Variants in FGF5 observed in about 807,000 individuals in gnomAD.
FGF5 encodes fibroblast growth factor 5.
In FGF5, 23 loss-of-function variants were observed where a neutral mutation model predicts 21.8. The ratio of observed to expected loss-of-function variants is 1.05; its 90% CI spans 0.76 to 1.49. FGF5 has a LOEUF of 1.49. FGF5 is among the 40% of genes most tolerant of loss of function. FGF5 has a pLI of 0.00. For synonymous variants in FGF5, 158 were observed against 124.0 expected (o/e 1.27, Z -1.82); for missense variants, 352 against 332.9 (o/e 1.06, Z -0.45).
At chr4:80,284,674 T>C (rs1720659391) in intron 2 of FGF5, among the ~76,000 whole-genome samples, 1 of 152,196 alleles carries the variant, frequency 6.6e-6, no homozygotes, top group African/African-American at 2.4e-5. Flanking sequence ...TGCTCTGATA[T>C]TGGTTGGCTT....
At chr4:80,276,557 C>A (rs558349114) in intron 2 of FGF5, among the ~76,000 whole-genome samples, 130 of 151,572 alleles carry the variant, frequency 8.6e-4, no homozygotes, top group African/African-American at 2.9e-3. Context: ...TGAAAAAGTT[C>A]TTTAGTGGTG....
chr4:80,278,282 A>T (rs182085148), intron 2 of FGF5, among the ~76,000 whole-genome samples: 2 of 152,188 alleles, frequency 1.3e-5, no homozygotes, highest in African/African-American at 4.8e-5. Context: ...GCAAATAAAC[A>T]GGCAATTTAA....
In FGF5 at chr4:80,289,835, T is replaced by G. The variant is rs1720845069; in HGVS notation, c.*3163T>G. The G allele has an allele frequency of 6.6e-6, 1 of 152,156 alleles. No individual in the cohort carries two copies. The allele number at this position is 152,156 out of a possible 1,614,324, so 9.4% of individuals were successfully genotyped here. A position where few individuals can be genotyped will look rare whatever the true frequency, so the allele number is the denominator to read the frequency against. On this transcript the variant is annotated 3_prime_UTR_variant, in exon 3 of 3. Coordinates refer to ENST00000312465, the MANE Select transcript of FGF5 (RefSeq NM_004464.4). ...ATAAGGGATACTGACAGAAGTTATTTCCAAGTTTGTGTATATATTATAAAA... is the reference window on the plus strand; with the variant it reads ...ATAAGGGATACTGACAGAAGTTATTGCCAAGTTTGTGTATATATTATAAAA...
At chr4:80,278,669 A>C (rs1221090065) in intron 2 of FGF5, among the ~76,000 whole-genome samples, 1 of 152,184 alleles carries the variant, frequency 6.6e-6, no homozygotes, top group Non-Finnish European at 1.5e-5. Context: ...TGCTAAATTT[A>C]TTAATCCCAT....
intron 2 of FGF5, among the ~76,000 whole-genome samples, chr4:80,280,875 G>GA (rs1720533563): frequency 6.6e-6 from 1 of 152,118 alleles, no homozygotes; most frequent in South Asian, 2.1e-4. Flanking sequence ...CTCAGACTTA[G>GA]AAAAACACAG....
In FGF5 at chr4:80,286,778, AC is replaced by A; in HGVS notation, c.*107del. 1 of 804,524 alleles carries A rather than the reference AC, an allele frequency of 1.2e-6. No individual in the cohort carries two copies. The highest frequency in any genetic ancestry group is 2.6e-5 in the Admixed American group (1 of 38,016). 49.8% of individuals were successfully genotyped at this position (804,524 alleles called of 1,614,324 possible). ...ACTGGACACAGCTTCAGCTATACTT[AC>A]ACTGTATTGAAGTCACGTCATTTGT... On this transcript the variant is annotated 3_prime_UTR_variant, in exon 3 of 3. Transcript: ENST00000312465.
At chr4:80,276,815 A>T (rs1720425935) in intron 2 of FGF5, among the ~76,000 whole-genome samples, 1 of 152,076 alleles carries the variant, frequency 6.6e-6, no homozygotes, top group Non-Finnish European at 1.5e-5. Context: ...GATTAAACAC[A>T]TCTAAACGGA....
At chr4:80,267,324 G>A in intron 1 of FGF5, 145 bp downstream of exon 1, 1 of 669,276 alleles carries the variant, frequency 1.5e-6, no homozygotes, top group Non-Finnish European at 2.5e-6. Flanking sequence ...AGCCGGGCGG[G>A]TTGGGTGGAG....
At chr4:80,271,821 T>TA (rs879382454) in intron 1 of FGF5, among the ~76,000 whole-genome samples, 7 of 152,014 alleles carry the variant, frequency 4.6e-5, no homozygotes, top group East Asian at 3.9e-4. Flanking sequence ...TTACTGAAAT[T>TA]AAAAAAAATC....
At chr4:80,271,827 A>C (rs2109918825) in intron 1 of FGF5, among the ~76,000 whole-genome samples, 1 of 152,374 alleles carries the variant, frequency 6.6e-6, no homozygotes, top group African/African-American at 2.4e-5. Flanking sequence ...AAATTAAAAA[A>C]AATCAATGTC....
chr4:80,269,253 C>T (rs1720201446), intron 1 of FGF5, among the ~76,000 whole-genome samples: 1 of 152,136 alleles, frequency 6.6e-6, no homozygotes, highest in Admixed American at 6.5e-5. Flanking sequence ...AGGGCGGACC[C>T]CAAACTAGCA....
chr4:80,277,520 T>G (rs1720447063), intron 2 of FGF5, among the ~76,000 whole-genome samples: 1 of 152,142 alleles, frequency 6.6e-6, no homozygotes, highest in Non-Finnish European at 1.5e-5. Context: ...CAATTACCAG[T>G]TTTATGCCCA....
At position 80,274,908 on chromosome 4, in the gene FGF5, G is replaced by C; in HGVS notation, c.356-1G>C. ...TTATTTTGGGATTTCTGTCATCCTA[G>C]GTGTTTTGGAAATATTTGCTGTGTC... On this transcript the variant is annotated splice_acceptor_variant, in intron 1 of 2. Coordinates refer to ENST00000312465, the MANE Select transcript of FGF5 (RefSeq NM_004464.4). LOFTEE classifies it high-confidence loss of function. The C allele has an allele frequency of 7.0e-7, 1 of 1,430,814 alleles. No individual in the cohort carries two copies. The highest frequency in any genetic ancestry group is 9.8e-7 in the Non-Finnish European group (1 of 1,019,746). The allele number at this position is 1,430,814 out of a possible 1,614,324, so 88.6% of individuals were successfully genotyped here. A position where few individuals can be genotyped will look rare whatever the true frequency, so the allele number is the denominator to read the frequency against.
At chr4:80,267,535 T>A (rs1392377371) in intron 1 of FGF5, among the ~76,000 whole-genome samples, 1 of 152,196 alleles carries the variant, frequency 6.6e-6, no homozygotes, top group African/African-American at 2.4e-5. Context: ...TACCTTCTGC[T>A]TATGAACTAG....
At chr4:80,269,313 G>T (rs963324430) in intron 1 of FGF5, among the ~76,000 whole-genome samples, 1 of 152,158 alleles carries the variant, frequency 6.6e-6, no homozygotes, top group African/African-American at 2.4e-5. Flanking sequence ...ATGCTTCTGG[G>T]GAGGGTTTAG....
At position 80,267,733 on chromosome 4, in the gene FGF5, G is replaced by GTAGATAGATAGATAGATAGATAGATAGA. The variant is rs3839148; in HGVS notation, c.355+580_355+581insGATAGATAGATAGATAGATAGATAGATA. Reference sequence around the variant, plus strand: ...CTATGTATACAATGTATACACATAGGTAGATAGATAGATAGATAGATAGAT... The same window carrying GTAGATAGATAGATAGATAGATAGATAGA: ...CTATGTATACAATGTATACACATAGGTAGATAGATAGATAGATAGATAGATAGATAGATAGATAGATAGATAGATAGAT... On this transcript the variant is annotated intron_variant, in intron 1 of 2. Coordinates refer to ENST00000312465, the MANE Select transcript of FGF5 (RefSeq NM_004464.4). Among the ~76,000 whole-genome samples, 755 of 151,060 alleles carry GTAGATAGATAGATAGATAGATAGATAGA rather than the reference G, an allele frequency of 5.0e-3. 2 individuals carry two copies. Among genetic ancestry groups the GTAGATAGATAGATAGATAGATAGATAGA allele is most frequent in the African/African-American group, 9.8e-3 (402 of 41,126 alleles).
intron 2 of FGF5, among the ~76,000 whole-genome samples, chr4:80,280,060 G>A (rs548841423): frequency 2.6e-5 from 4 of 152,284 alleles, no homozygotes; most frequent in East Asian, 3.9e-4. Context: ...TACTGAAAGG[G>A]GAAATGGAGG....
chr4:80,283,228 T>G (rs1352086235), intron 2 of FGF5, among the ~76,000 whole-genome samples: 2 of 152,188 alleles, frequency 1.3e-5, no homozygotes, highest in African/African-American at 4.8e-5. Context: ...GAATGTAGGA[T>G]TTGGATGGCT....
At chr4:80,278,956 C>T (rs1441334088) in intron 2 of FGF5, among the ~76,000 whole-genome samples, 1 of 152,188 alleles carries the variant, frequency 6.6e-6, no homozygotes, top group Admixed American at 6.5e-5. Context: ...CAGCTGTGGC[C>T]TGTACTCTCT....
Sources: gnomAD v4.1 joint callset for allele counts (sites outside exome capture counted in the v4.1 genomes callset) on GRCh38, gnomAD v4.1.1 for gene constraint, MANE v1.5 for transcripts, NCBI Gene and HGNC (gene_info 2026-07-23, HGNC 2026-07-21) for gene names.